The following PTK2 variants were observed in gnomAD, a reference collection of about 807,000 sequenced individuals.
The protein encoded by PTK2 is focal adhesion kinase 1.
A neutral mutation model predicts 150.1 loss-of-function variants in PTK2; 45 were observed. The observed-to-expected ratio is 0.30, with a 90% CI of 0.24 to 0.38. The LOEUF is 0.38. Among genes scored for constraint, PTK2 ranks in the 10% least tolerant of loss-of-function variants. PTK2 has a pLI of 1.00. For synonymous variants in PTK2, 432 were observed against 449.2 expected, an observed-to-expected ratio of 0.96 and a Z score of 0.48; for missense variants, 919 against 1,307.3, an observed-to-expected ratio of 0.70 and a Z score of 4.58.
At chr8:140,866,255 T>C (rs1349597458) in intron 4 of PTK2, among the ~76,000 whole-genome samples, 3 of 152,206 alleles carry the variant, frequency 2.0e-5, no homozygotes, top group African/African-American at 7.2e-5. Flanking sequence ...CCATTTTATT[T>C]ATTTATTTTT....
intron 2 of PTK2, among the ~76,000 whole-genome samples, chr8:140,902,214 A>T (rs2100158777): frequency 6.6e-6 from 1 of 151,974 alleles, no homozygotes; most frequent in South Asian, 2.1e-4. Context: ...TTGTATTTTT[A>T]GTAAAGATGG....
chr8:140,968,894 G>A (rs1368516879), intron 1 of PTK2, among the ~76,000 whole-genome samples: 1 of 152,186 alleles, frequency 6.6e-6, no homozygotes, highest in Admixed American at 6.5e-5. Context: ...CTCCTATGGG[G>A]GCTGGAAGAG....
chr8:140,978,386 C>T (rs2100190117), intron 1 of PTK2, among the ~76,000 whole-genome samples: 1 of 152,190 alleles, frequency 6.6e-6, no homozygotes. Context: ...TATCCAGAAT[C>T]TACAATGAAC....
At chr8:140,809,748 G>GT (rs2100100332) in intron 10 of PTK2, among the ~76,000 whole-genome samples, 1 of 152,238 alleles carries the variant, frequency 6.6e-6, no homozygotes, top group Admixed American at 6.5e-5. Context: ...AGAGGTTGCA[G>GT]TAAGCCTTGA....
intron 5 of PTK2, among the ~76,000 whole-genome samples, chr8:140,850,078 G>A (rs1012830875): frequency 3.7e-4 from 55 of 149,758 alleles, no homozygotes; most frequent in African/African-American, 1.3e-3. Flanking sequence ...CCCAGGTCCA[G>A]GAAATTTGCA....
At chr8:140,927,346 C>T (rs1361212734) in intron 1 of PTK2, 2 of 152,116 alleles carry the variant, frequency 1.3e-5, no homozygotes, top group African/African-American at 4.8e-5. Context: ...GACTGCTCAC[C>T]TTATTTAACA....
intron 1 of PTK2, among the ~76,000 whole-genome samples, chr8:140,937,826 G>A (rs1030835696): frequency 3.9e-5 from 6 of 152,056 alleles, no homozygotes; most frequent in African/African-American, 1.2e-4. Flanking sequence ...GTGGCTGCAC[G>A]TCTGTAGTCC....
In PTK2 at chr8:140,878,137, T is replaced by C. The variant is rs114885510; in HGVS notation, c.362+1334A>G. On this transcript the variant is annotated intron_variant, in intron 4 of 31. Coordinates refer to ENST00000522684, the Ensembl canonical transcript of PTK2. ...TGTTTTGGAATGCTCACTTGCTTAA[T>C]TGACTAAATAGTTGGAAGTCAAATC... 4.9e-3 allele frequency among the ~76,000 whole-genome samples: 746 copies of C among 152,352 alleles called. 4 individuals carry two copies. The highest frequency in any genetic ancestry group is 0.016 in the African/African-American group (669 of 41,580).
chr8:140,907,131 A>G (rs1460285355), intron 2 of PTK2, among the ~76,000 whole-genome samples: 1 of 152,182 alleles, frequency 6.6e-6, no homozygotes. Context: ...AACTGGTCCT[A>G]GCGAAAAAAT....
intron 22 of PTK2, among the ~76,000 whole-genome samples, chr8:140,728,012 A>G (rs993521648): frequency 1.3e-5 from 2 of 152,134 alleles, no homozygotes; most frequent in African/African-American, 4.8e-5. Flanking sequence ...CCTGGCCAAC[A>G]TGGCGAAACC....
At chr8:140,661,236 T>G (rs1268371481) in intron 31 of PTK2, among the ~76,000 whole-genome samples, 1 of 152,160 alleles carries the variant, frequency 6.6e-6, no homozygotes, top group African/African-American at 2.4e-5. Flanking sequence ...AGAGATATTC[T>G]AGAAAGATGG....
chr8:140,904,214 G>T (rs2100159938), intron 2 of PTK2, among the ~76,000 whole-genome samples: 1 of 152,150 alleles, frequency 6.6e-6, no homozygotes, highest in Non-Finnish European at 1.5e-5. Context: ...ACATGAAGGG[G>T]TGTTGAATTT....
intron 15 of PTK2, among the ~76,000 whole-genome samples, chr8:140,761,885 A>G (rs2100069628): frequency 6.6e-6 from 1 of 152,130 alleles, no homozygotes; most frequent in African/African-American, 2.4e-5. Context: ...TAAATCATAA[A>G]TATACTTTTG....
chr8:140,955,839 G>T (rs758807620), intron 1 of PTK2, among the ~76,000 whole-genome samples: 1 of 152,230 alleles, frequency 6.6e-6, no homozygotes, highest in Non-Finnish European at 1.5e-5. Flanking sequence ...AAGGGGTAAA[G>T]AAGGTGGAGG....
chr8:140,930,311 C>T (rs903174729), intron 1 of PTK2, among the ~76,000 whole-genome samples: 1 of 152,158 alleles, frequency 6.6e-6, no homozygotes, highest in Non-Finnish European at 1.5e-5. Context: ...AATAAGGCAG[C>T]TCCCAGTCCT....
chr8:140,884,754 A>G (rs1449501074), intron 3 of PTK2, among the ~76,000 whole-genome samples: 1 of 152,206 alleles, frequency 6.6e-6, no homozygotes, highest in Non-Finnish European at 1.5e-5. Context: ...CATTCCTATC[A>G]GAAGGATGAT....
At chr8:140,668,145 A>C in intron 30 of PTK2, 124 bp downstream of exon 34, 2 of 1,090,778 alleles carry the variant, frequency 1.8e-6, no homozygotes, top group Non-Finnish European at 2.7e-6. Flanking sequence ...TTTCGTGAAG[A>C]GCTTCTAAAG....
intron 1 of PTK2, among the ~76,000 whole-genome samples, chr8:140,946,606 C>T (rs1026215064): frequency 3.3e-4 from 50 of 152,134 alleles, no homozygotes; most frequent in African/African-American, 1.1e-3. Flanking sequence ...TGTGGTTTCC[C>T]GCATGAATAC....
rs184933914 is a variant in PTK2, at chr8:140,738,734, C to T, written c.1825+284G>A. Among the ~76,000 whole-genome samples the T allele has an allele frequency of 1.3e-3, 202 of 152,212 alleles. 3 individuals carry two copies. Among genetic ancestry groups the T allele is most frequent in the Middle Eastern group, 6.8e-3 (2 of 292 alleles). ...AGAAAGAAGGAAATAAGCAAAATAT[C>T]CCCCTGTGAGGAAAGAAGAGACAGC... On this transcript the variant is annotated intron_variant, in intron 21 of 31. Transcript: ENST00000522684.
Sources: allele counts gnomAD v4.1 joint callset (sites outside exome capture counted in the v4.1 genomes callset), GRCh38; gene constraint gnomAD v4.1.1; transcripts MANE v1.5; gene names NCBI Gene and HGNC (gene_info 2026-07-23, HGNC 2026-07-21).